The following METTL14 variants were observed in gnomAD, a reference collection of about 807,000 sequenced individuals.
The protein encoded by METTL14 is N(6)-adenosine-methyltransferase non-catalytic subunit METTL14.
METTL14 carries 32 observed loss-of-function variants against 62.4 expected under a neutral mutation model. The ratio of observed to expected loss-of-function variants is 0.51; its 90% CI spans 0.39 to 0.69. The LOEUF (loss-of-function observed/expected upper bound fraction) is 0.69. Ranked by LOEUF, METTL14 falls within the 30% of genes least tolerant of loss-of-function variation. The probability of loss-of-function intolerance (pLI) is 0.00; values close to 1 mark genes in which losing one functional copy is unlikely to be tolerated. For missense variants in METTL14, 340 were observed against 551.9 expected (o/e 0.62, Z 3.85); for synonymous variants, 150 against 180.0 (o/e 0.83, Z 1.34).
chr4:118,699,213 A>G (rs1196478979), intron 7 of METTL14, among the ~76,000 whole-genome samples: 1 of 152,158 alleles, frequency 6.6e-6, no homozygotes, highest in African/African-American at 2.4e-5. Context: ...TACTCTTAAT[A>G]ATATCTATTT....
Position 118,713,413 on chromosome 4 carries a change from C to G in METTL14, c.*3111C>G, listed in dbSNP as rs1308791630. 2.6e-5 allele frequency: 4 copies of G among 152,164 alleles called. No individual in the cohort carries two copies. Among genetic ancestry groups the G allele is most frequent in the African/African-American group, 9.7e-5 (4 of 41,446 alleles). 9.4% of individuals were successfully genotyped at this position (152,164 alleles called of 1,614,324 possible). On this transcript the variant is annotated 3_prime_UTR_variant, in exon 11 of 11. Coordinates refer to ENST00000388822, the MANE Select transcript of METTL14 (RefSeq NM_020961.4). ...AATTATCTTTCAGTTAGTTACAGCG[C>G]TTAATTTAAAACCTGTACTGTTTTC...
chr4:118,692,226 C>CTTTTTTTTTTTTTTTTT (rs11387432), intron 5 of METTL14, among the ~76,000 whole-genome samples, 158 bp downstream of exon 5: 1 of 131,444 alleles, frequency 7.6e-6, no homozygotes, highest in Admixed American at 7.9e-5. Context: ...CTTTTCTTTT[C>CTTTTTTTTTTTTTTTTT]TTTTTTTTTT....
At chr4:118,697,445 A>G in intron 7 of METTL14, 122 bp downstream of exon 7, 2 of 846,590 alleles carry the variant, frequency 2.4e-6, no homozygotes, top group Non-Finnish European at 3.5e-6. Context: ...ATGTAGATTT[A>G]TAGTGTAAAT....
At position 118,687,969 on chromosome 4, in the gene METTL14, A is replaced by G; in HGVS notation, c.113A>G (p.Lys38Arg). 3 of 1,614,050 alleles carry G rather than the reference A, an allele frequency of 1.9e-6. No individual in the cohort carries two copies. Among genetic ancestry groups the G allele is most frequent in the Admixed American group, 3.3e-5 (2 of 60,004 alleles). ...ADSIGAVLNS[K>R]DEQREIAETR... ...AGCATTGGTGCCGTGTTAAATAGCA[A>G]AGATGAGCAGAGAGAAATTGCTGAA... is the stretch of plus-strand genomic sequence containing the variant. Residue 38 changes from lysine (K) to arginine (R), a missense_variant, in exon 2 of 11, where the codon AAA (lysine) becomes AGA (arginine). Transcript: ENST00000388822.
intron 2 of METTL14, among the ~76,000 whole-genome samples, chr4:118,688,362 G>A (rs1023541142): frequency 6.6e-5 from 10 of 151,732 alleles, no homozygotes; most frequent in African/African-American, 2.4e-4. Flanking sequence ...GCTTGAAACC[G>A]GGAGGCGGAG....
intron 8 of METTL14, among the ~76,000 whole-genome samples, chr4:118,701,556 T>C (rs530292655): frequency 1.6e-4 from 25 of 152,312 alleles, no homozygotes; most frequent in Non-Finnish European, 3.4e-4. Flanking sequence ...AACAGTATTA[T>C]GACTAGGTAT....
chr4:118,688,158 C>A (rs1347591007), intron 2 of METTL14, 147 bp downstream of exon 2: 16 of 641,890 alleles, frequency 2.5e-5, no homozygotes, highest in Non-Finnish European at 4.2e-5. Context: ...CCTTGGCCTC[C>A]CAAAGTGCTG....
At chr4:118,703,893 C>G (rs1162673221) in intron 8 of METTL14, 42 bp from the exon 9 acceptor site, 1 of 1,171,404 alleles carries the variant, frequency 8.5e-7, no homozygotes, top group African/African-American at 1.6e-5. Flanking sequence ...TTGTTTATTT[C>G]TTTAAGTTAA....
chr4:118,692,226 C>CTTTTTT (rs11387432), intron 5 of METTL14, among the ~76,000 whole-genome samples, 158 bp downstream of exon 5: 80 of 131,390 alleles, frequency 6.1e-4, no homozygotes, highest in Non-Finnish European at 8.6e-4. Flanking sequence ...CTTTTCTTTT[C>CTTTTTT]TTTTTTTTTT....
chr4:118,699,942 A>G (rs774769562), intron 7 of METTL14, among the ~76,000 whole-genome samples: 2 of 152,136 alleles, frequency 1.3e-5, no homozygotes, highest in Non-Finnish European at 2.9e-5. Context: ...TTCATGTTAG[A>G]GAGTCGGTAG....
At chr4:118,697,803 A>G (rs1212014986) in intron 7 of METTL14, among the ~76,000 whole-genome samples, 2 of 152,158 alleles carry the variant, frequency 1.3e-5, no homozygotes, top group African/African-American at 4.8e-5. Flanking sequence ...CCTGCATAAG[A>G]TGACATGAGA....
At chr4:118,703,786 A>G (rs1037276628) in intron 8 of METTL14, 149 bp from the exon 9 acceptor site, 12 of 523,896 alleles carry the variant, frequency 2.3e-5, no homozygotes, top group Non-Finnish European at 3.6e-5. Flanking sequence ...ATTTCTTTTT[A>G]TATTCTACAC....
chr4:118,690,144 T>C (rs1724201538), intron 3 of METTL14, among the ~76,000 whole-genome samples: 1 of 142,212 alleles, frequency 7.0e-6, no homozygotes. Context: ...GGTTTCAAGC[T>C]ATTCTTCTGT....
chr4:118,686,161 G>A (rs746604549), intron 1 of METTL14, among the ~76,000 whole-genome samples: 2 of 152,072 alleles, frequency 1.3e-5, no homozygotes, highest in African/African-American at 2.4e-5. Context: ...CCTGAAACAG[G>A]TATTATTACC....
In METTL14 at chr4:118,710,543, G is replaced by A. The variant is rs1320807389; in HGVS notation, c.*241G>A. The stretch of plus-strand genomic sequence containing the variant: ...GCGTGAACAGAATGGAACAACTCAA[G>A]TAGCTTCATCTTCAGAGACTGAATT... On this transcript the variant is annotated 3_prime_UTR_variant, in exon 11 of 11. Transcript: ENST00000388822. The A allele has an allele frequency of 2.5e-6, 1 of 397,112 alleles. No homozygotes were observed. Among genetic ancestry groups the A allele is most frequent in the East Asian group, 4.3e-5 (1 of 23,030 alleles). 24.6% of individuals were successfully genotyped at this position (397,112 alleles called of 1,614,324 possible). A position where few individuals can be genotyped will look rare whatever the true frequency, so the allele number is the denominator to read the frequency against.
intron 9 of METTL14, 54 bp downstream of exon 9, chr4:118,704,105 T>C (rs1364307443): frequency 2.7e-6 from 3 of 1,107,752 alleles, no homozygotes; most frequent in Non-Finnish European, 4.0e-6. Context: ...CTCTCAAGCT[T>C]TTCCAAATAA....
chr4:118,696,166 G>A (rs1359306779), intron 6 of METTL14, among the ~76,000 whole-genome samples: 1 of 136,708 alleles, frequency 7.3e-6, no homozygotes, highest in African/African-American at 2.7e-5. Flanking sequence ...TAAGTCATTA[G>A]AAGCACCACA....
Position 118,712,321 on chromosome 4 carries a change from A to C in METTL14, c.*2019A>C, listed in dbSNP as rs540670225. On this transcript the variant is annotated 3_prime_UTR_variant, in exon 11 of 11. Transcript: ENST00000388822. ...ATATTTACATGTCTTACATTCCACA[A>C]AATTATTTAGAAATGCTGGGCATGG... is the stretch of plus-strand genomic sequence containing the variant. The C allele has an allele frequency of 6.6e-5, 10 of 152,292 alleles. No individual in the cohort carries two copies. The South Asian group carries it at 1.7e-3, about 25-fold the overall frequency. The allele number at this position is 152,292 out of a possible 1,614,324, so 9.4% of individuals were successfully genotyped here. A position where few individuals can be genotyped will look rare whatever the true frequency, so the allele number is the denominator to read the frequency against.
At chr4:118,707,374 T>G (rs1054492729) in intron 10 of METTL14, among the ~76,000 whole-genome samples, 2 of 152,062 alleles carry the variant, frequency 1.3e-5, no homozygotes, top group Non-Finnish European at 2.9e-5. Context: ...CAAGAGACCT[T>G]AATTTATGGC....
Sources: gnomAD v4.1 joint callset for allele counts (sites outside exome capture counted in the v4.1 genomes callset) on GRCh38, gnomAD v4.1.1 for gene constraint, MANE v1.5 for transcripts, NCBI Gene and HGNC (gene_info 2026-07-23, HGNC 2026-07-21) for gene names.